Variants in LRIG1 observed in about 807,000 individuals in gnomAD.
LRIG1 encodes the protein leucine rich repeats and immunoglobulin like domains 1, also known as leucine-rich repeats and immunoglobulin-like domains protein 1.
In LRIG1, 48 loss-of-function variants were observed where a neutral mutation model predicts 99.2. The ratio of observed to expected loss-of-function variants is 0.48; its 90% confidence interval spans 0.38 to 0.62. The LOEUF (loss-of-function observed/expected upper bound fraction) is 0.62. LRIG1 is among the 20% of genes least tolerant of loss of function. The pLI is 0.00. For synonymous variants in LRIG1, 772 were observed against 596.1 expected, an observed-to-expected ratio of 1.29 and a Z score of -4.30; for missense variants, 1,646 against 1,434.4, an observed-to-expected ratio of 1.15 and a Z score of -2.38.
chr3:66,408,095 C>T (rs1183103440), intron 7 of LRIG1, among the ~76,000 whole-genome samples: 1 of 152,218 alleles, frequency 6.6e-6, no homozygotes, highest in Non-Finnish European at 1.5e-5. Flanking sequence ...GGTAAAAGCA[C>T]ATGCTTTGCC....
intron 1 of LRIG1, among the ~76,000 whole-genome samples, chr3:66,491,737 AAAAT>A (rs926136245): frequency 5.8e-4 from 89 of 152,358 alleles, no homozygotes; most frequent in African/African-American, 2.0e-3. Flanking sequence ...TTCCAAAGAA[AAAAT>A]AAATAAATAA....
At chr3:66,431,029 C>T (rs531805295) in intron 3 of LRIG1, among the ~76,000 whole-genome samples, 19 of 152,096 alleles carry the variant, frequency 1.2e-4, no homozygotes, top group African/African-American at 3.4e-4. Context: ...TCTCAGCCCT[C>T]GTAGAGCACA....
intron 1 of LRIG1, among the ~76,000 whole-genome samples, chr3:66,474,793 A>G (rs1575720497): frequency 6.6e-6 from 1 of 152,208 alleles, no homozygotes; most frequent in East Asian, 1.9e-4. Context: ...TCCACTTGCT[A>G]AACTGTATCT....
At chr3:66,397,864 C>T (rs1043014172) in intron 11 of LRIG1, among the ~76,000 whole-genome samples, 5 of 152,358 alleles carry the variant, frequency 3.3e-5, no homozygotes, top group African/African-American at 7.2e-5. Context: ...GCCTGCGGCC[C>T]GACTGCCTGC....
rs1163567083 is a variant in LRIG1 at position 66,380,187 on chromosome 3, C to T, written c.*76G>A. 3 of 1,266,686 alleles carry T rather than the reference C, an allele frequency of 2.4e-6. No homozygotes were observed. The highest frequency in any genetic ancestry group is 2.4e-5 in the East Asian group (1 of 42,284). The allele number at this position is 1,266,686 out of a possible 1,614,324, so 78.5% of individuals were successfully genotyped here. ...TATGTACAGATGAGTGACGCTTGAA[C>T]CCAAGCTTCCTCGCAGCCTCTCCTA... On this transcript the variant is annotated 3_prime_UTR_variant, in exon 19 of 19. Transcript: ENST00000273261.
intron 1 of LRIG1, among the ~76,000 whole-genome samples, chr3:66,482,143 A>G (rs1409175547): frequency 6.6e-6 from 1 of 152,252 alleles, no homozygotes; most frequent in African/African-American, 2.4e-5. Context: ...GTACAGGATC[A>G]ACAGAGCCAC....
intron 3 of LRIG1, among the ~76,000 whole-genome samples, chr3:66,436,473 C>T (rs1424663349): frequency 6.6e-6 from 1 of 152,174 alleles, no homozygotes; most frequent in East Asian, 1.9e-4. Context: ...TACATGACCA[C>T]AAAATCCTTT....
At chr3:66,471,532 C>T (rs1443476940) in intron 1 of LRIG1, among the ~76,000 whole-genome samples, 1 of 152,196 alleles carries the variant, frequency 6.6e-6, no homozygotes, top group Non-Finnish European at 1.5e-5. Context: ...GGGCCCCAGC[C>T]GCTGCAGGGA....
At chr3:66,474,065 G>C (rs1342826675) in intron 1 of LRIG1, among the ~76,000 whole-genome samples, 2 of 152,200 alleles carry the variant, frequency 1.3e-5, no homozygotes, top group African/African-American at 4.8e-5. Flanking sequence ...AAGACACGAA[G>C]TCAAGATTCA....
At chr3:66,468,233 T>G (rs1195162164) in intron 1 of LRIG1, among the ~76,000 whole-genome samples, 1 of 152,210 alleles carries the variant, frequency 6.6e-6, no homozygotes, top group Non-Finnish European at 1.5e-5. Flanking sequence ...TAAGCTGTGG[T>G]GAGGAAACAA....
chr3:66,443,675 C>G (rs1226676948), intron 3 of LRIG1, among the ~76,000 whole-genome samples: 1 of 152,208 alleles, frequency 6.6e-6, no homozygotes, highest in Admixed American at 6.5e-5. Flanking sequence ...TCCTCTGCAG[C>G]TAGACTGCCA....
intron 3 of LRIG1, among the ~76,000 whole-genome samples, chr3:66,418,838 G>C (rs1702706788): frequency 6.6e-6 from 1 of 151,942 alleles, no homozygotes; most frequent in Admixed American, 6.5e-5. Context: ...CCCAGGCCCT[G>C]AACTCGAAAG....
rs1434451386 is a variant in LRIG1, at chr3:66,442,688, G to A, written c.365+8871C>T. The stretch of plus-strand genomic sequence containing the variant: ...TGGGGAGCAACCCGGGTCCCCAGTG[G>A]ATCTTGGGCTATATTTAAAGCTTGC... On this transcript the variant is annotated intron_variant, in intron 3 of 18. Transcript: ENST00000273261. 3.3e-5 allele frequency among the ~76,000 whole-genome samples: 5 copies of A among 152,012 alleles called. No homozygotes were observed. In the East Asian group the frequency reaches 9.7e-4, roughly 29 times the overall value.
chr3:66,474,814 A>T (rs904235796), intron 1 of LRIG1, among the ~76,000 whole-genome samples: 1 of 152,226 alleles, frequency 6.6e-6, no homozygotes, highest in African/African-American at 2.4e-5. Context: ...TAACCAAATA[A>T]TGAATACTGG....
In LRIG1 at chr3:66,380,221, TCC is replaced by T; in HGVS notation, c.*40_*41del. On this transcript the variant is annotated 3_prime_UTR_variant, in exon 19 of 19. Transcript: ENST00000273261. The stretch of plus-strand genomic sequence containing the variant: ...CCTCGCAGCCTCTCCTACCTCTCTT[TCC>T]CGTAGAGATTGGTATGACAAGAACT... 1 of 1,539,122 alleles carries T rather than the reference TCC, an allele frequency of 6.5e-7. No individual in the cohort carries two copies. Among genetic ancestry groups the T allele is most frequent in the South Asian group, 1.2e-5 (1 of 82,336 alleles).
chr3:66,471,437 C>T (rs1203421226), intron 1 of LRIG1, among the ~76,000 whole-genome samples: 1 of 152,204 alleles, frequency 6.6e-6, no homozygotes, highest in Non-Finnish European at 1.5e-5. Context: ...CCCAGTCATT[C>T]TGCAGAACAG....
chr3:66,397,064 T>C (rs1235347700), intron 11 of LRIG1, among the ~76,000 whole-genome samples: 1 of 152,216 alleles, frequency 6.6e-6, no homozygotes, highest in Non-Finnish European at 1.5e-5. Flanking sequence ...CTGAGCTCCA[T>C]GAACCCGTCA....
At chr3:66,405,725 C>A in intron 8 of LRIG1, 1 of 1,109,110 alleles carries the variant, frequency 9.0e-7, no homozygotes, top group African/African-American at 1.6e-5. Flanking sequence ...AGACCCGGCA[C>A]AGGGCCGGCC....
intron 4 of LRIG1, 50 bp downstream of exon 4, chr3:66,417,079 C>G: frequency 1.9e-6 from 3 of 1,598,766 alleles, no homozygotes; most frequent in Non-Finnish European, 2.6e-6. Flanking sequence ...AAGCTGTTAG[C>G]TGGCTGGACA....
Sources: gnomAD v4.1 joint callset for allele counts (sites outside exome capture counted in the v4.1 genomes callset) on GRCh38, gnomAD v4.1.1 for gene constraint, MANE v1.5 for transcripts, NCBI Gene and HGNC (gene_info 2026-07-23, HGNC 2026-07-21) for gene names.